Variants in DNAJC10 observed in about 807,000 individuals in gnomAD.
The protein encoded by DNAJC10 is endoplasmic reticulum disulfide reductase DNAJC10.
A neutral mutation model predicts 115.0 loss-of-function variants in DNAJC10; 101 were observed. The observed-to-expected ratio is 0.88, with a 90% CI of 0.75 to 1.04. DNAJC10 has a LOEUF of 1.04. Ranked by LOEUF, DNAJC10 falls within the 50% of genes least tolerant of loss-of-function variation. The probability of loss-of-function intolerance (pLI) is 0.00; values close to 1 mark genes in which losing one functional copy is unlikely to be tolerated. For missense variants in DNAJC10, 981 were observed against 928.8 expected, an observed-to-expected ratio of 1.06 and a Z score of -0.73; for synonymous variants, 307 against 301.5, an observed-to-expected ratio of 1.02 and a Z score of -0.19.
At chr2:182,772,265 C>G (rs1189700094) in intron 22 of DNAJC10, among the ~76,000 whole-genome samples, 2 of 152,110 alleles carry the variant, frequency 1.3e-5, no homozygotes, top group Non-Finnish European at 2.9e-5. Flanking sequence ...AGAATAAGTG[C>G]AGTGTAGTTC....
chr2:182,716,950 CTT>C (rs1433662632), intron 1 of DNAJC10, 64 bp from the exon 2 acceptor site: 1 of 152,188 alleles, frequency 6.6e-6, no homozygotes, highest in East Asian at 1.9e-4. Context: ...TATGCCCTCT[CTT>C]TTTCTGATGG....
chr2:182,762,655 A>G, intron 21 of DNAJC10, 27 bp from the exon 22 acceptor site: 3 of 1,609,712 alleles, frequency 1.9e-6, no homozygotes, highest in Non-Finnish European at 1.7e-6. Flanking sequence ...CAAACAGAAA[A>G]TGGCAAACTG....
At chr2:182,747,051 C>T (rs1413470115) in intron 14 of DNAJC10, among the ~76,000 whole-genome samples, 8 of 152,154 alleles carry the variant, frequency 5.3e-5, no homozygotes, top group Non-Finnish European at 7.4e-5. Context: ...ATATATGCGG[C>T]GTTATTTCTG....
intron 14 of DNAJC10, 113 bp from the exon 15 acceptor site, chr2:182,751,545 C>A: frequency 7.9e-7 from 1 of 1,268,630 alleles, no homozygotes; most frequent in Non-Finnish European, 1.1e-6. Flanking sequence ...TCACCAAAAT[C>A]AATTTGTTCA....
chr2:182,742,353 C>T (rs1214853050), intron 13 of DNAJC10, among the ~76,000 whole-genome samples: 6 of 152,114 alleles, frequency 3.9e-5, no homozygotes, highest in Non-Finnish European at 2.9e-5. Context: ...CCAAGTCCGG[C>T]TAATTTTTGT....
chr2:182,728,822 G>A (rs1052992858), intron 6 of DNAJC10, 41 bp from the exon 7 acceptor site: 1 of 1,610,146 alleles, frequency 6.2e-7, no homozygotes, highest in Admixed American at 1.7e-5. Flanking sequence ...GGGAAGAAAA[G>A]TGGTCTTATC....
chr2:182,764,165 G>A (rs1694354797), intron 22 of DNAJC10, among the ~76,000 whole-genome samples: 1 of 152,190 alleles, frequency 6.6e-6, no homozygotes, highest in South Asian at 2.1e-4. Flanking sequence ...CAATCACAAT[G>A]TAAATTTTGA....
rs777911369 is a variant in DNAJC10, at chr2:182,757,837, C to T, written c.1943+12C>T. 1.6e-5 allele frequency: 22 copies of T among 1,360,274 alleles called. No homozygotes were observed. The highest frequency in any genetic ancestry group is 5.3e-5 in the South Asian group (4 of 75,986). The allele number at this position is 1,360,274 out of a possible 1,614,324, so 84.3% of individuals were successfully genotyped here. A position where few individuals can be genotyped will look rare whatever the true frequency, so the allele number is the denominator to read the frequency against. On this transcript the variant is annotated intron_variant, in intron 19 of 23. Transcript: ENST00000264065. ...GCTTATCATTATCAGTAAGTATTCT[C>T]TCATATTTGAAGACATTTATTATAA... is the stretch of plus-strand genomic sequence containing the variant.
chr2:182,734,100 T>TTA (rs397732125), intron 10 of DNAJC10, among the ~76,000 whole-genome samples: 2 of 150,716 alleles, frequency 1.3e-5, no homozygotes, highest in African/African-American at 4.9e-5. Context: ...TTTTTTTTTT[T>TTA]ACTGCCAGTT....
At chr2:182,765,477 C>T (rs961570737) in intron 22 of DNAJC10, among the ~76,000 whole-genome samples, 7 of 152,098 alleles carry the variant, frequency 4.6e-5, no homozygotes, top group African/African-American at 1.4e-4. Flanking sequence ...TGCCAGCCAC[C>T]CCAACATCCA....
rs1383107911 is a variant in DNAJC10, at chr2:182,784,253, G to A, written c.*7121G>A. ...GACAGGAGAATTGCATGAACCCGGA[G>A]GCAAAGGTTGCAGTGAGCAGAGATC... On this transcript the variant is annotated 3_prime_UTR_variant, in exon 24 of 24. Transcript: ENST00000264065. 4 of 152,194 alleles carry A rather than the reference G, an allele frequency of 2.6e-5. No homozygotes were observed. In the East Asian group the frequency reaches 5.8e-4, roughly 22 times the overall value. The allele number at this position is 152,194 out of a possible 1,614,324, so 9.4% of individuals were successfully genotyped here. A position where few individuals can be genotyped will look rare whatever the true frequency, so the allele number is the denominator to read the frequency against.
intron 14 of DNAJC10, among the ~76,000 whole-genome samples, chr2:182,749,761 C>G (rs535657388): frequency 6.6e-6 from 1 of 152,210 alleles, no homozygotes; most frequent in East Asian, 1.9e-4. Flanking sequence ...GTAAATTACC[C>G]CAAAACTCAG....
chr2:182,741,204 T>A, intron 12 of DNAJC10, 39 bp from the exon 13 acceptor site: 1 of 1,361,646 alleles, frequency 7.3e-7, no homozygotes. Context: ...CCTTAGAATT[T>A]CCCATCTCTG....
Position 182,792,271 on chromosome 2 carries a change from TC to T in DNAJC10, c.*15140del, listed in dbSNP as rs1236666194. The T allele has an allele frequency of 1.3e-5, 2 of 152,286 alleles. No individual in the cohort carries two copies. The highest frequency in any genetic ancestry group is 3.9e-4 in the East Asian group (2 of 5,188). The allele number at this position is 152,286 out of a possible 1,614,324, so 9.4% of individuals were successfully genotyped here. On this transcript the variant is annotated 3_prime_UTR_variant, in exon 24 of 24. Transcript: ENST00000264065. ...TTAGAATTAAATGCACTATCTGAAGTCTATGTTTATTAAATGAGGATTACAG... is the reference window on the plus strand; with the variant it reads ...TTAGAATTAAATGCACTATCTGAAGTTATGTTTATTAAATGAGGATTACAG...
chr2:182,736,685 G>A (rs1034238356), intron 11 of DNAJC10, among the ~76,000 whole-genome samples: 1 of 152,114 alleles, frequency 6.6e-6, no homozygotes, highest in Non-Finnish European at 1.5e-5. Context: ...AAAGTATGGA[G>A]TACATTCCTG....
chr2:182,720,960 A>G (rs940539345), intron 4 of DNAJC10, among the ~76,000 whole-genome samples: 1 of 152,088 alleles, frequency 6.6e-6, no homozygotes, highest in African/African-American at 2.4e-5. Flanking sequence ...AACATTATCA[A>G]TAAAGGTTCC....
intron 22 of DNAJC10, among the ~76,000 whole-genome samples, chr2:182,763,413 C>A (rs369617742): frequency 6.6e-6 from 1 of 152,064 alleles, no homozygotes; most frequent in Non-Finnish European, 1.5e-5. Context: ...TCCAGCTGAA[C>A]GGGGGCAAGA....
At chr2:182,754,891 G>A (rs1694117442) in intron 16 of DNAJC10, 112 bp from the exon 17 acceptor site, 1 of 1,283,282 alleles carries the variant, frequency 7.8e-7, no homozygotes, top group African/African-American at 1.5e-5. Flanking sequence ...CAGAAATTTA[G>A]AAATGGGTTT....
Position 182,787,498 on chromosome 2 carries a change from T to C in DNAJC10, c.*10366T>C, listed in dbSNP as rs1450631451. 1 of 152,244 alleles carries C rather than the reference T, an allele frequency of 6.6e-6. No homozygotes were observed. The highest frequency in any genetic ancestry group is 2.4e-5 in the African/African-American group (1 of 41,468). The allele number at this position is 152,244 out of a possible 1,614,324, so 9.4% of individuals were successfully genotyped here. ...AACTGCCTACCAAAGCCACAGACTTTAAGTCTTTGCAGGATTACCACTGAA... is the reference window on the plus strand; with the variant it reads ...AACTGCCTACCAAAGCCACAGACTTCAAGTCTTTGCAGGATTACCACTGAA... On this transcript the variant is annotated 3_prime_UTR_variant, in exon 24 of 24. Coordinates refer to ENST00000264065, the MANE Select transcript of DNAJC10 (RefSeq NM_018981.4).
Sources: gnomAD v4.1 joint callset for allele counts (sites outside exome capture counted in the v4.1 genomes callset) on GRCh38, gnomAD v4.1.1 for gene constraint, MANE v1.5 for transcripts, NCBI Gene and HGNC (gene_info 2026-07-23, HGNC 2026-07-21) for gene names.